MYO3B: variants seen among roughly 807,000 people sequenced by gnomAD.
MYO3B encodes the protein myosin IIIB.
MYO3B carries 156 observed loss-of-function variants against 174.6 expected under a neutral mutation model. The ratio of observed to expected loss-of-function variants is 0.89; its 90% confidence interval spans 0.78 to 1.02. MYO3B has a LOEUF of 1.02. Among genes scored for constraint, MYO3B ranks in the 50% least tolerant of loss-of-function variants. The pLI is 0.00. For missense variants in MYO3B, 1,632 were observed against 1,639.4 expected, an observed-to-expected ratio of 1.00 and a Z score of 0.08; for synonymous variants, 563 against 569.1, an observed-to-expected ratio of 0.99 and a Z score of 0.15.
At chr2:170,465,201 G>A (rs943158926) in intron 24 of MYO3B, among the ~76,000 whole-genome samples, 1 of 152,050 alleles carries the variant, frequency 6.6e-6, no homozygotes, top group Non-Finnish European at 1.5e-5. Context: ...AAGAAAAGAG[G>A]TTTATTGGCT....
At chr2:170,403,040 G>T in intron 19 of MYO3B, 45 bp downstream of exon 19, 3 of 1,523,900 alleles carry the variant, frequency 2.0e-6, no homozygotes, top group Admixed American at 1.8e-5. Flanking sequence ...GGGAAAAGGT[G>T]TCTCCAAGCT....
chr2:170,228,257 C>T (rs1255216519), intron 6 of MYO3B, among the ~76,000 whole-genome samples: 1 of 152,202 alleles, frequency 6.6e-6, no homozygotes, highest in Non-Finnish European at 1.5e-5. Flanking sequence ...TTTGCTCCTG[C>T]TTTGGTCATG....
At position 170,583,087 on chromosome 2, in the gene MYO3B, AGC is replaced by A. The variant is rs201784505; in HGVS notation, c.3733+39100_3733+39101del. On this transcript the variant is annotated intron_variant, in intron 32 of 34. Transcript: ENST00000408978. ...TGACACCCCGCACACCCCCCACTGC[AGC>A]CCCTCCACCCCCTCCCCCTTGACTG... Among the ~76,000 whole-genome samples, 362 of 59,946 alleles carry A rather than the reference AGC, an allele frequency of 6.0e-3. 4 individuals are homozygous for A. Among genetic ancestry groups the A allele is most frequent in the Admixed American group, 0.054 (275 of 5,082 alleles). 39.3% of individuals were successfully genotyped at this position (59,946 alleles called of 152,430 possible).
chr2:170,589,078 A>C (rs1693664095), intron 32 of MYO3B, among the ~76,000 whole-genome samples: 1 of 152,174 alleles, frequency 6.6e-6, no homozygotes, highest in Admixed American at 6.5e-5. Flanking sequence ...CATGTAGCTG[A>C]AGAAGAGGCA....
At chr2:170,617,301 C>G (rs1695521920) in intron 32 of MYO3B, among the ~76,000 whole-genome samples, 1 of 152,156 alleles carries the variant, frequency 6.6e-6, no homozygotes. Context: ...TGTAAGGCTA[C>G]AGGGAGCCAA....
intron 30 of MYO3B, among the ~76,000 whole-genome samples, chr2:170,526,752 G>A (rs1202398738): frequency 1.3e-5 from 2 of 152,192 alleles, no homozygotes; most frequent in Admixed American, 6.5e-5. Flanking sequence ...GCTGAAAGAA[G>A]CTTCAAGGAG....
intron 6 of MYO3B, among the ~76,000 whole-genome samples, chr2:170,220,518 A>G (rs953030984): frequency 6.7e-6 from 1 of 149,378 alleles, no homozygotes; most frequent in Non-Finnish European, 1.5e-5. Context: ...AGTCCCAGCT[A>G]CTCGGGAGGC....
chr2:170,372,132 A>AAAAAAAC (rs2094252133), intron 9 of MYO3B, among the ~76,000 whole-genome samples: 1 of 142,662 alleles, frequency 7.0e-6, no homozygotes, highest in Non-Finnish European at 1.5e-5. Flanking sequence ...AAAAAAAAAA[A>AAAAAAAC]AAAAAAAAAA....
intron 32 of MYO3B, among the ~76,000 whole-genome samples, chr2:170,569,612 A>G (rs1015275019): frequency 6.6e-6 from 1 of 151,186 alleles, no homozygotes; most frequent in Non-Finnish European, 1.5e-5. Flanking sequence ...CTGTAATCCC[A>G]ACACTCTGGA....
intron 32 of MYO3B, among the ~76,000 whole-genome samples, chr2:170,546,619 C>T (rs1238569673): frequency 6.6e-6 from 1 of 152,180 alleles, no homozygotes; most frequent in African/African-American, 2.4e-5. Context: ...TCGAATTCCC[C>T]TTGATCTTAG....
chr2:170,313,893 G>C (rs1200642489), intron 7 of MYO3B, among the ~76,000 whole-genome samples: 1 of 152,078 alleles, frequency 6.6e-6, no homozygotes, highest in Non-Finnish European at 1.5e-5. Flanking sequence ...AAAATTGCAA[G>C]GAGAAGGGAG....
At chr2:170,240,860 C>T in intron 7 of MYO3B, among the ~76,000 whole-genome samples, 1 of 152,194 alleles carries the variant, frequency 6.6e-6, no homozygotes. Flanking sequence ...CCAGAAATCT[C>T]TCCCTTCTCC....
At chr2:170,556,007 G>C (rs6433215) in intron 32 of MYO3B, among the ~76,000 whole-genome samples, 120,531 of 151,888 alleles carry the variant, frequency 0.79, 48,409 homozygotes, top group African/African-American at 0.87. Flanking sequence ...ACCAGCCTGA[G>C]AAACATGACG....
chr2:170,628,253 C>A (rs1384274616), intron 32 of MYO3B, among the ~76,000 whole-genome samples: 1 of 152,222 alleles, frequency 6.6e-6, no homozygotes, highest in Non-Finnish European at 1.5e-5. Flanking sequence ...GTGGCAGGCG[C>A]CCCACCCCCA....
At chr2:170,441,908 G>A (rs183320195) in intron 22 of MYO3B, among the ~76,000 whole-genome samples, 1 of 152,158 alleles carries the variant, frequency 6.6e-6, no homozygotes, top group African/African-American at 2.4e-5. Flanking sequence ...TGTATTTTGT[G>A]CCAACCTCTT....
At chr2:170,617,533 G>A (rs938376633) in intron 32 of MYO3B, among the ~76,000 whole-genome samples, 3 of 152,066 alleles carry the variant, frequency 2.0e-5, no homozygotes, top group African/African-American at 4.8e-5. Flanking sequence ...GTGACAAAGT[G>A]GATTTACTTA....
chr2:170,632,546 GACACCCTA>G (rs1697093166), intron 32 of MYO3B, among the ~76,000 whole-genome samples: 1 of 152,070 alleles, frequency 6.6e-6, no homozygotes, highest in African/African-American at 2.4e-5. Context: ...ATCTAAAATT[GACACCCTA>G]ACATCACAAT....
intron 7 of MYO3B, chr2:170,334,702 C>T (rs904754372): frequency 1.3e-5 from 2 of 152,052 alleles, no homozygotes; most frequent in African/African-American, 4.8e-5. Context: ...CCCATCCCCA[C>T]CCCTCTTTTT....
intron 7 of MYO3B, among the ~76,000 whole-genome samples, chr2:170,265,411 G>A (rs539418120): frequency 6.6e-6 from 1 of 152,358 alleles, no homozygotes; most frequent in South Asian, 2.1e-4. Context: ...GTGAATTTGA[G>A]AGTAATTATA....
Sources: allele counts gnomAD v4.1 joint callset (sites outside exome capture counted in the v4.1 genomes callset), GRCh38; gene constraint gnomAD v4.1.1; transcripts MANE v1.5; gene names NCBI Gene and HGNC (gene_info 2026-07-23, HGNC 2026-07-21).